The following SCARA5 variants were observed in gnomAD, a reference collection of about 807,000 sequenced individuals.
The protein encoded by SCARA5 is scavenger receptor class A member 5, also known as scavenger receptor class A, member 5 (putative).
SCARA5 carries 45 observed loss-of-function variants against 46.3 expected under a neutral mutation model. That is an observed-to-expected ratio of 0.97 (90% confidence interval 0.76 to 1.24). The LOEUF (loss-of-function observed/expected upper bound fraction) is 1.24, where lower values mean the gene tolerates loss of function less well. Among genes scored for constraint, SCARA5 ranks in the 50% most tolerant of loss-of-function variants. The probability of loss-of-function intolerance (pLI) is 0.00; values close to 1 mark genes in which losing one functional copy is unlikely to be tolerated. For missense variants in SCARA5, 680 were observed against 689.0 expected (o/e 0.99, Z 0.15); for synonymous variants, 333 against 306.5 (o/e 1.09, Z -0.90).
chr8:27,978,018 T>C (rs1962144), intron 2 of SCARA5, among the ~76,000 whole-genome samples: 50,205 of 146,734 alleles, frequency 0.34, 9,372 homozygotes, highest in Non-Finnish European at 0.43. Context: ...GTTTCTTGTG[T>C]CTTTTGTTTT....
At chr8:27,904,905 G>T (rs1030980627) in intron 6 of SCARA5, 71 bp from the exon 7 acceptor site, 2 of 1,302,022 alleles carry the variant, frequency 1.5e-6, no homozygotes, top group Non-Finnish European at 2.2e-6. Flanking sequence ...ATTACCTGCA[G>T]GAGATTGATG....
rs1321542245 is a variant in SCARA5, at chr8:27,975,227, C to T, written c.113-8685G>A. Among the ~76,000 whole-genome samples, 9 of 152,200 alleles carry T rather than the reference C, an allele frequency of 5.9e-5. No individual in the cohort carries two copies. The South Asian group carries it at 1.2e-3, about 21-fold the overall frequency. The stretch of plus-strand genomic sequence containing the variant: ...TTGGAGAGCTGGATGTGCAGAGGTT[C>T]CTGGAGGGCAGAACAGCTGGGGAAG... On this transcript the variant is annotated intron_variant, in intron 2 of 8. Coordinates refer to ENST00000354914, the MANE Select transcript of SCARA5 (RefSeq NM_173833.6).
Position 27,980,726 on chromosome 8 carries a change from T to C in SCARA5, c.112+6778A>G, listed in dbSNP as rs144075281. On this transcript the variant is annotated intron_variant, in intron 2 of 8. Coordinates refer to ENST00000354914, the MANE Select transcript of SCARA5 (RefSeq NM_173833.6). ...CCCCTGGGAGCAAAGTGCCTCCAAT[T>C]AGGATGATGAAGGGACAGACACACA... is the stretch of plus-strand genomic sequence containing the variant. Among the ~76,000 whole-genome samples the C allele has an allele frequency of 2.6e-3, 392 of 152,144 alleles. 3 individuals are homozygous for C. The highest frequency in any genetic ancestry group is 8.9e-3 in the African/African-American group (371 of 41,536).
intron 3 of SCARA5, among the ~76,000 whole-genome samples, chr8:27,959,991 T>G (rs997295927): frequency 6.6e-6 from 1 of 152,166 alleles, no homozygotes; most frequent in South Asian, 2.1e-4. Flanking sequence ...CAACAATGTC[T>G]CCAGGCTTCC....
At chr8:27,877,750 T>C (rs1004658240) in intron 8 of SCARA5, among the ~76,000 whole-genome samples, 1 of 152,172 alleles carries the variant, frequency 6.6e-6, no homozygotes, top group Non-Finnish European at 1.5e-5. Context: ...CTGCCCTTCA[T>C]GGTGCCGGAT....
chr8:27,953,050 C>T (rs13266335), intron 3 of SCARA5, among the ~76,000 whole-genome samples: 3 of 152,208 alleles, frequency 2.0e-5, no homozygotes, highest in Non-Finnish European at 4.4e-5. Flanking sequence ...GAGGCCTGCC[C>T]TGCATCCTTT....
intron 3 of SCARA5, among the ~76,000 whole-genome samples, chr8:27,945,064 C>CTGAGGTA (rs532822480): frequency 1.1e-4 from 16 of 151,852 alleles, no homozygotes; most frequent in Admixed American, 7.9e-4. Context: ...ACTCAGGAGG[C>CTGAGGTA]TGAGGTAGGA....
intron 3 of SCARA5, among the ~76,000 whole-genome samples, chr8:27,955,265 A>G (rs1808190109): frequency 6.6e-6 from 1 of 152,170 alleles, no homozygotes; most frequent in African/African-American, 2.4e-5. Context: ...ATGTCCTATC[A>G]TGCACCTCTT....
rs1808371436 is a variant in SCARA5 at position 27,966,513 on chromosome 8, A to T, written c.142T>A (p.Cys48Ser). 1 of 1,613,460 alleles carries T rather than the reference A, an allele frequency of 6.2e-7. No homozygotes were observed. Among genetic ancestry groups the T allele is most frequent in the African/African-American group, 1.3e-5 (1 of 74,866 alleles). The change falls in exon 3 of 9, where the codon TGC (cysteine) becomes AGC (serine). Residue 48 changes from cysteine (C) to serine (S), a missense_variant. Physicochemically the swap from Cys to Ser is moderately radical, Grantham distance 112. Transcript: ENST00000354914. ...GACAGGGACCCCAGCTGGGTACAGC[A>T]GATGCTTGCCCGCCGTTTGTGACAT... is the stretch of plus-strand genomic sequence containing the variant. The part of the protein sequence containing the change: ...GPCHKRRASI[C>S]CTQLGSLSAL...
rs1461748712 is a variant in SCARA5 at position 27,987,532 on chromosome 8, G to C, written c.84C>G (p.Ser28Arg). 1.9e-6 allele frequency: 3 copies of C among 1,613,720 alleles called. No individual in the cohort carries two copies. The highest frequency in any genetic ancestry group is 1.7e-5 in the Admixed American group (1 of 60,032). Reference protein sequence around the residue: ...SICEDSFDGRSLSKLNLCEDG... With the variant: ...SICEDSFDGRRLSKLNLCEDG... ...CCTCACACAGGTTCAGCTTGGACAG[G>C]CTCCTGCCATCAAAGGAATCCTCAC... Residue 28 changes from serine (S) to arginine (R), a missense_variant, in exon 2 of 9, where the codon AGC becomes AGG. Around this residue, in one of 3 missense-constraint regions of SCARA5, gnomAD observed 438 missense variants for 384.5 expected, o/e 1.14. Coordinates refer to ENST00000354914, the MANE Select transcript of SCARA5 (RefSeq NM_173833.6).
At chr8:27,875,227 C>T (rs570360789) in intron 8 of SCARA5, among the ~76,000 whole-genome samples, 44 of 149,790 alleles carry the variant, frequency 2.9e-4, no homozygotes, top group African/African-American at 1.1e-3. Flanking sequence ...CTCTTCACTC[C>T]TCCCTCCTTT....
At chr8:27,984,625 C>A (rs1361934758) in intron 2 of SCARA5, among the ~76,000 whole-genome samples, 1 of 152,130 alleles carries the variant, frequency 6.6e-6, no homozygotes, top group East Asian at 1.9e-4. Context: ...TCCATGCATC[C>A]ATCCATCCAT....
chr8:27,980,323 A>T (rs577579293), intron 2 of SCARA5, among the ~76,000 whole-genome samples: 1 of 152,234 alleles, frequency 6.6e-6, no homozygotes, highest in Non-Finnish European at 1.5e-5. Context: ...CTGGCCACTC[A>T]TCACCCCCTC....
In SCARA5 at chr8:27,871,352, G is replaced by A. The variant is rs890023800; in HGVS notation, c.*582C>T. The A allele has an allele frequency of 1.3e-6, 1 of 751,724 alleles. No individual in the cohort carries two copies. The highest frequency in any genetic ancestry group is 1.9e-5 in the African/African-American group (1 of 52,592). The allele number at this position is 751,724 out of a possible 1,614,324, so 46.6% of individuals were successfully genotyped here. On this transcript the variant is annotated 3_prime_UTR_variant, in exon 9 of 9. Transcript: ENST00000354914. ...CAAATCTAGCTGGATTCCTGCAGGT[G>A]ACTTGCATTTCCCTCTTGCCCCTAC...
chr8:27,906,950 A>G (rs1208499569), intron 6 of SCARA5, among the ~76,000 whole-genome samples, 198 bp downstream of exon 6: 3 of 152,200 alleles, frequency 2.0e-5, no homozygotes, highest in Non-Finnish European at 4.4e-5. Context: ...AACTACAGAC[A>G]TGAGTCACCA....
chr8:27,940,762 C>CCATCCAT (rs1395759622), intron 3 of SCARA5, among the ~76,000 whole-genome samples: 2 of 137,616 alleles, frequency 1.5e-5, no homozygotes, highest in Non-Finnish European at 3.1e-5. Context: ...AACCATCTGT[C>CCATCCAT]CATCCATCCA....
At chr8:27,936,482 G>A (rs576682010) in intron 3 of SCARA5, among the ~76,000 whole-genome samples, 11 of 150,762 alleles carry the variant, frequency 7.3e-5, no homozygotes, top group South Asian at 2.1e-4. Flanking sequence ...CCAGCTATTC[G>A]GGAGGCTGAG....
At chr8:27,953,899 G>A (rs189680902) in intron 3 of SCARA5, among the ~76,000 whole-genome samples, 37 of 152,284 alleles carry the variant, frequency 2.4e-4, no homozygotes, top group Non-Finnish European at 4.4e-4. Context: ...AGAGCCCAGT[G>A]GGGCTCCAGA....
At chr8:27,949,327 T>C (rs1808086680) in intron 3 of SCARA5, among the ~76,000 whole-genome samples, 2 of 152,228 alleles carry the variant, frequency 1.3e-5, no homozygotes, top group Admixed American at 1.3e-4. Flanking sequence ...CCAGTGCCCT[T>C]TAAATTTAAT....
Sources: gnomAD v4.1 joint callset for allele counts (sites outside exome capture counted in the v4.1 genomes callset) on GRCh38, gnomAD v4.1.1 for gene constraint, gnomAD v4.1.1 regional missense constraint, MANE v1.5 for transcripts, NCBI Gene and HGNC (gene_info 2026-07-23, HGNC 2026-07-21) for gene names.